Variants in CASP5 observed in about 807,000 individuals in gnomAD.
CASP5 encodes the protein caspase-5.
Under a neutral mutation model 45.2 loss-of-function variants are expected in CASP5, and 42 were observed. That is an observed-to-expected ratio of 0.93 (90% CI 0.73 to 1.20). The LOEUF (loss-of-function observed/expected upper bound fraction) is 1.20, where lower values mean the gene tolerates loss of function less well. Among genes scored for constraint, CASP5 ranks in the 50% most tolerant of loss-of-function variants. The pLI, the probability that CASP5 is intolerant of heterozygous loss-of-function variation, is 0.00. For synonymous variants in CASP5, 209 were observed against 186.2 expected, an observed-to-expected ratio of 1.12 and a Z score of -1.00; for missense variants, 512 against 532.2, an observed-to-expected ratio of 0.96 and a Z score of 0.37.
intron 3 of CASP5, among the ~76,000 whole-genome samples, chr11:105,006,294 T>A (rs1861997045): frequency 6.6e-6 from 1 of 152,182 alleles, no homozygotes; most frequent in Non-Finnish European, 1.5e-5. Flanking sequence ...CAAATAATAA[T>A]TAAGAAAGCA....
At position 104,997,377 on chromosome 11, in the gene CASP5, G is replaced by T; in HGVS notation, c.1206+6C>A. 1 of 1,557,162 alleles carries T rather than the reference G, an allele frequency of 6.4e-7. No homozygotes were observed. The highest frequency in any genetic ancestry group is 8.9e-7 in the Non-Finnish European group (1 of 1,128,536). On this transcript the variant is annotated splice_donor_region_variant and intron_variant, in intron 8 of 9. Transcript: ENST00000260315. The stretch of plus-strand genomic sequence containing the variant: ...TAAATGACTAGAAAAGGAAATGGAA[G>T]CTTACCTTCCGAAATATTTCCATTA...
chr11:105,020,850 C>T (rs78356240), intron 1 of CASP5, among the ~76,000 whole-genome samples: 2 of 151,408 alleles, frequency 1.3e-5, no homozygotes, highest in African/African-American at 2.4e-5. Flanking sequence ...CGCATTGCCA[C>T]GTCAATCCTG....
intron 1 of CASP5, among the ~76,000 whole-genome samples, chr11:105,015,613 C>A (rs1208456874): frequency 2.0e-5 from 3 of 152,112 alleles, no homozygotes; most frequent in African/African-American, 4.8e-5. Flanking sequence ...TCTTCAATTT[C>A]TCCTATCTAT....
In CASP5 at chr11:105,000,320, C is replaced by T. The variant is rs45464699; in HGVS notation, c.893G>A (p.Arg298His). The T allele has an allele frequency of 3.0e-4, 490 of 1,614,184 alleles. 1 individual carries two copies. The highest frequency in any genetic ancestry group is 2.3e-3 in the Admixed American group (141 of 60,026). The change falls in exon 6 of 10, where the codon CGC becomes CAC. Residue 298 changes from arginine to histidine, a missense_variant. Arg to His is a conservative substitution (Grantham distance 29, BLOSUM62 0). Coordinates refer to ENST00000260315, the MANE Select transcript of CASP5 (RefSeq NM_004347.5). ...TTTGTCCTTTAGACTGAGGCAGTTG[C>T]GGTTGTTGAATATCTGGAAGATGGT... Reference protein sequence around the residue: ...YDTIFQIFNNRNCLSLKDKPK... With the variant: ...YDTIFQIFNNHNCLSLKDKPK...
chr11:105,019,850 C>CAA (rs1185317713), intron 1 of CASP5, among the ~76,000 whole-genome samples: 29 of 144,242 alleles, frequency 2.0e-4, no homozygotes, highest in African/African-American at 6.6e-4. Flanking sequence ...AGAGACACAA[C>CAA]CAAAAAAGAG....
chr11:104,998,518 C>T (rs1051057746), intron 7 of CASP5, among the ~76,000 whole-genome samples: 6 of 151,980 alleles, frequency 3.9e-5, no homozygotes, highest in African/African-American at 1.5e-4. Flanking sequence ...GGAAAGACAG[C>T]CAGTACTGGG....
intron 6 of CASP5, 68 bp from the exon 7 acceptor site, chr11:104,999,096 G>C (rs999368692): frequency 7.1e-7 from 1 of 1,410,322 alleles, no homozygotes. Flanking sequence ...TGCAGAACGT[G>C]TAGGTTTGTT....
At chr11:105,008,759 C>A in intron 2 of CASP5, 48 bp downstream of exon 2, 1 of 1,370,674 alleles carries the variant, frequency 7.3e-7, no homozygotes. Flanking sequence ...TATAATTGAA[C>A]AGATTCTAAA....
At chr11:105,020,032 A>T (rs1336106043) in intron 1 of CASP5, among the ~76,000 whole-genome samples, 3 of 145,818 alleles carry the variant, frequency 2.1e-5, no homozygotes, top group Non-Finnish European at 4.6e-5. Flanking sequence ...AATCCAGCAT[A>T]TAAACAGAAC....
intron 1 of CASP5, among the ~76,000 whole-genome samples, chr11:105,016,367 G>A (rs950542790): frequency 7.9e-5 from 12 of 152,282 alleles, no homozygotes; most frequent in African/African-American, 2.4e-4. Flanking sequence ...AGCAGAAGAC[G>A]GGTGATTTCT....
chr11:105,015,011 T>C (rs1862519280), intron 1 of CASP5, among the ~76,000 whole-genome samples: 3 of 152,138 alleles, frequency 2.0e-5, no homozygotes, highest in African/African-American at 7.2e-5. Context: ...AACACAAAGA[T>C]TTTAGGGTGT....
In CASP5 at chr11:105,000,252, A is replaced by T. The variant is rs1861656751; in HGVS notation, c.952+9T>A. 4 of 1,613,792 alleles carry T rather than the reference A, an allele frequency of 2.5e-6. No individual in the cohort carries two copies. The highest frequency in any genetic ancestry group is 3.4e-6 in the Non-Finnish European group (4 of 1,179,750). On this transcript the variant is annotated intron_variant, in intron 6 of 9. Coordinates refer to ENST00000260315, the MANE Select transcript of CASP5 (RefSeq NM_004347.5). ...TCAAAACTGTTAGATGTTCAGCCTC[A>T]GCACTCACCACCTCTGCAGGCCTGG...
At position 105,003,256 on chromosome 11, in the gene CASP5, A is replaced by C; in HGVS notation, c.543+18T>G. Reference sequence around the variant, plus strand: ...TTGTTTCTCTCTTCTTCCCCATTTCATACAGAGAGCACAGCACCTCATCAT... The same window carrying C: ...TTGTTTCTCTCTTCTTCCCCATTTCCTACAGAGAGCACAGCACCTCATCAT... On this transcript the variant is annotated intron_variant, in intron 4 of 9. Transcript: ENST00000260315. The C allele has an allele frequency of 7.1e-7, 1 of 1,402,102 alleles. No homozygotes were observed. The highest frequency in any genetic ancestry group is 1.4e-5 in the African/African-American group (1 of 70,010). 86.9% of individuals were successfully genotyped at this position (1,402,102 alleles called of 1,614,324 possible). A position where few individuals can be genotyped will look rare whatever the true frequency, so the allele number is the denominator to read the frequency against.
chr11:104,999,122 T>A, intron 6 of CASP5, 94 bp from the exon 7 acceptor site: 1 of 1,123,496 alleles, frequency 8.9e-7, no homozygotes, highest in Non-Finnish European at 1.3e-6. Context: ...GTTACGCATG[T>A]ACCATTGTGG....
chr11:105,022,335 A>C (rs180837132), intron 1 of CASP5, among the ~76,000 whole-genome samples: 1 of 151,814 alleles, frequency 6.6e-6, no homozygotes, highest in Admixed American at 6.6e-5. Context: ...AAATTAAAGA[A>C]AAAAAAAGAC....
intron 1 of CASP5, among the ~76,000 whole-genome samples, chr11:105,018,876 C>T (rs1292649177): frequency 6.7e-6 from 1 of 148,790 alleles, no homozygotes; most frequent in African/African-American, 2.5e-5. Context: ...CACACCACAC[C>T]TATTCCAAAA....
chr11:105,004,727 T>C (rs1321577350), intron 3 of CASP5, among the ~76,000 whole-genome samples: 7 of 152,192 alleles, frequency 4.6e-5, no homozygotes, highest in African/African-American at 1.7e-4. Flanking sequence ...AAGCGTGAGT[T>C]CTGGGAATGC....
In CASP5 at chr11:105,009,786, T is replaced by TATAC. The variant is rs1313739061; in HGVS notation, c.8-807_8-806insGTAT. On this transcript the variant is annotated intron_variant, in intron 1 of 9. Transcript: ENST00000260315. ...ACACACACACGTATATATATATATA[T>TATAC]ACACACGTATATATATATATACACA... Among the ~76,000 whole-genome samples the TATAC allele has an allele frequency of 2.8e-3, 261 of 94,902 alleles. 6 individuals carry two copies. The highest frequency in any genetic ancestry group is 0.013 in the Admixed American group (111 of 8,360). The allele number at this position is 94,902 out of a possible 152,430, so 62.3% of individuals were successfully genotyped here.
rs1287693740 is a variant in CASP5 at position 105,001,663 on chromosome 11, TAAATAA to T, written c.717+359_717+364del. Among the ~76,000 whole-genome samples, 8 of 152,150 alleles carry T rather than the reference TAAATAA, an allele frequency of 5.3e-5. No homozygotes were observed. The South Asian group carries it at 1.7e-3, about 32-fold the overall frequency. On this transcript the variant is annotated intron_variant, in intron 5 of 9. Coordinates refer to ENST00000260315, the MANE Select transcript of CASP5 (RefSeq NM_004347.5). ...CAGAGTGAGACTTGGTCTCAAAAAA[TAAATAA>T]AAATAAAAATAGAGTGCCCTCCTGC...
Sources: gnomAD v4.1 joint callset for allele counts (sites outside exome capture counted in the v4.1 genomes callset) on GRCh38, gnomAD v4.1.1 for gene constraint, MANE v1.5 for transcripts, NCBI Gene and HGNC (gene_info 2026-07-23, HGNC 2026-07-21) for gene names.